Variants in LCLAT1 observed in about 807,000 individuals in gnomAD.
LCLAT1 encodes the protein 1-AGP acyltransferase 8.
Under a neutral mutation model 30.7 loss-of-function variants are expected in LCLAT1, and 11 were observed. The ratio of observed to expected loss-of-function variants is 0.36; its 90% confidence interval spans 0.23 to 0.59. The LOEUF (loss-of-function observed/expected upper bound fraction) is 0.59, where lower values mean the gene tolerates loss of function less well. Ranked by LOEUF, LCLAT1 falls within the 20% of genes least tolerant of loss-of-function variation. The pLI is 0.77. For missense variants in LCLAT1, 402 were observed against 458.6 expected, an observed-to-expected ratio of 0.88 and a Z score of 1.13; for synonymous variants, 155 against 151.3, an observed-to-expected ratio of 1.02 and a Z score of -0.18.
intron 1 of LCLAT1, among the ~76,000 whole-genome samples, chr2:30,500,118 C>T (rs1408665440): frequency 6.6e-6 from 1 of 152,102 alleles, no homozygotes; most frequent in Non-Finnish European, 1.5e-5. Flanking sequence ...CACCGAATTC[C>T]ATGGTTGATA....
chr2:30,515,939 T>C (rs1448869095), intron 1 of LCLAT1, among the ~76,000 whole-genome samples: 1 of 152,156 alleles, frequency 6.6e-6, no homozygotes, highest in Non-Finnish European at 1.5e-5. Context: ...ACGTTAGGTA[T>C]TGAGGGATAG....
chr2:30,523,269 T>G lies in LCLAT1; in HGVS notation c.-4-2318T>G, dbSNP rs1685562316. Among the ~76,000 whole-genome samples, 3 of 14,120 alleles carry G rather than the reference T, an allele frequency of 2.1e-4. No individual in the cohort carries two copies. The Admixed American group carries it at 2.8e-3, about 13-fold the overall frequency. 9.3% of individuals were successfully genotyped at this position (14,120 alleles called of 152,430 possible). ...ATACCAAATTAAGATGTTCGTAGGTTTTTTTTTTTTTTCTGGGGAGAAGCT... is the reference window on the plus strand; with the variant it reads ...ATACCAAATTAAGATGTTCGTAGGTGTTTTTTTTTTTTCTGGGGAGAAGCT... On this transcript the variant is annotated intron_variant, in intron 1 of 5. Coordinates refer to ENST00000379509, the MANE Select transcript of LCLAT1 (RefSeq NM_001002257.3).
intron 3 of LCLAT1, among the ~76,000 whole-genome samples, chr2:30,554,331 G>A (rs906489039): frequency 1.3e-5 from 2 of 152,124 alleles, no homozygotes; most frequent in Admixed American, 1.3e-4. Flanking sequence ...ACAGTATCTA[G>A]TACTAAAAAA....
chr2:30,494,332 A>T (rs1683987313), intron 1 of LCLAT1, among the ~76,000 whole-genome samples: 1 of 152,186 alleles, frequency 6.6e-6, no homozygotes, highest in African/African-American at 2.4e-5. Context: ...AGTTTGTGTG[A>T]ACTTCGACAG....
At chr2:30,634,666 T>C (rs1668938943) in intron 5 of LCLAT1, among the ~76,000 whole-genome samples, 1 of 152,262 alleles carries the variant, frequency 6.6e-6, no homozygotes, top group Non-Finnish European at 1.5e-5. Context: ...TGGCTTTTAC[T>C]GGTGACAGCC....
chr2:30,626,747 T>C (rs1233281012), intron 5 of LCLAT1, among the ~76,000 whole-genome samples: 2 of 152,058 alleles, frequency 1.3e-5, no homozygotes, highest in Non-Finnish European at 2.9e-5. Flanking sequence ...GTTTTCCTCT[T>C]TAGTAATGAA....
chr2:30,530,758 A>G (rs749587281), intron 2 of LCLAT1, among the ~76,000 whole-genome samples: 2 of 152,112 alleles, frequency 1.3e-5, no homozygotes, highest in Non-Finnish European at 2.9e-5. Context: ...TGCCTAGGCT[A>G]GTTTCAAACT....
rs375641547 is a variant in LCLAT1 at position 30,561,525 on chromosome 2, G to A, written c.365-621G>A. Reference sequence around the variant, plus strand: ...TCATCTAAAACATGGCACATCTAGGGCTCTCTCTTCAAAGAGCAAGGGTGA... The same window carrying A: ...TCATCTAAAACATGGCACATCTAGGACTCTCTCTTCAAAGAGCAAGGGTGA... On this transcript the variant is annotated intron_variant, in intron 3 of 5. Transcript: ENST00000379509. Among the ~76,000 whole-genome samples the A allele has an allele frequency of 5.3e-5, 8 of 152,188 alleles. 1 individual carries two copies. The highest frequency in any genetic ancestry group is 1.9e-4 in the African/African-American group (8 of 41,538).
At chr2:30,533,809 A>G (rs1178291412) in intron 3 of LCLAT1, among the ~76,000 whole-genome samples, 1 of 152,198 alleles carries the variant, frequency 6.6e-6, no homozygotes, top group Non-Finnish European at 1.5e-5. Flanking sequence ...CTTGTATAAT[A>G]TAATATTAAA....
At chr2:30,454,389 C>T (rs1282308244) in intron 1 of LCLAT1, among the ~76,000 whole-genome samples, 1 of 152,154 alleles carries the variant, frequency 6.6e-6, no homozygotes, top group Non-Finnish European at 1.5e-5. Context: ...GTGTGAATTA[C>T]TGGGTTAACA....
At chr2:30,605,790 A>G (rs1422258207) in intron 5 of LCLAT1, among the ~76,000 whole-genome samples, 2 of 152,076 alleles carry the variant, frequency 1.3e-5, no homozygotes, top group Admixed American at 6.6e-5. Context: ...GTGGTCCCCA[A>G]CCTTTTTGGC....
intron 5 of LCLAT1, among the ~76,000 whole-genome samples, chr2:30,610,804 T>C (rs966050016): frequency 3.3e-5 from 5 of 152,158 alleles, no homozygotes; most frequent in Non-Finnish European, 5.9e-5. Flanking sequence ...TTCAGTGTTA[T>C]TAAAAACAAG....
chr2:30,469,520 A>G (rs997773712), intron 1 of LCLAT1, among the ~76,000 whole-genome samples: 1 of 150,662 alleles, frequency 6.6e-6, no homozygotes, highest in African/African-American at 2.4e-5. Context: ...TCAGTTGGCC[A>G]TAGATGTATG....
chr2:30,452,045 G>C (rs371097500), intron 1 of LCLAT1, among the ~76,000 whole-genome samples: 1 of 152,238 alleles, frequency 6.6e-6, no homozygotes, highest in Non-Finnish European at 1.5e-5. Flanking sequence ...CCTGGTGACA[G>C]AAGTCAGAAT....
intron 1 of LCLAT1, among the ~76,000 whole-genome samples, chr2:30,506,529 A>G (rs1297684994): frequency 2.0e-5 from 3 of 152,142 alleles, no homozygotes; most frequent in South Asian, 2.1e-4. Flanking sequence ...TGATAATGCT[A>G]TTAAGAATAC....
At chr2:30,632,770 A>G (rs911763744) in intron 5 of LCLAT1, among the ~76,000 whole-genome samples, 2 of 152,232 alleles carry the variant, frequency 1.3e-5, no homozygotes, top group African/African-American at 4.8e-5. Flanking sequence ...TTTACAGCCA[A>G]GGCTTATAGT....
chr2:30,457,812 C>G (rs144884634), intron 1 of LCLAT1, among the ~76,000 whole-genome samples: 1 of 152,068 alleles, frequency 6.6e-6, no homozygotes, highest in South Asian at 2.1e-4. Flanking sequence ...TTTACTGTTG[C>G]GATTTGGGTC....
At chr2:30,604,233 G>A (rs540193329) in intron 5 of LCLAT1, among the ~76,000 whole-genome samples, 3 of 152,206 alleles carry the variant, frequency 2.0e-5, no homozygotes, top group Admixed American at 1.3e-4. Context: ...CAAGGGACAG[G>A]GATAATTGGA....
intron 5 of LCLAT1, among the ~76,000 whole-genome samples, chr2:30,628,191 T>C (rs971143426): frequency 2.3e-4 from 35 of 152,144 alleles, no homozygotes; most frequent in East Asian, 1.9e-4. Context: ...AATTATGAAA[T>C]TGTTTAGGAA....
Sources: gnomAD v4.1 joint callset for allele counts (sites outside exome capture counted in the v4.1 genomes callset) on GRCh38, gnomAD v4.1.1 for gene constraint, MANE v1.5 for transcripts, NCBI Gene and HGNC (gene_info 2026-07-23, HGNC 2026-07-21) for gene names.